MEF2C: variants seen among roughly 807,000 people sequenced by gnomAD.
MEF2C encodes myocyte-specific enhancer factor 2C.
A neutral mutation model predicts 50.5 loss-of-function variants in MEF2C; 6 were observed. The observed-to-expected ratio is 0.12, with a 90% CI of 0.07 to 0.23. MEF2C has a LOEUF of 0.23. Among genes scored for constraint, MEF2C ranks in the 10% least tolerant of loss-of-function variants. The pLI is 1.00. For missense variants in MEF2C, 276 were observed against 605.0 expected (o/e 0.46, Z 5.70); for synonymous variants, 183 against 228.0 (o/e 0.80, Z 1.78).
chr5:88,816,136 C>T (rs565032750), intron 2 of MEF2C, among the ~76,000 whole-genome samples: 2 of 152,078 alleles, frequency 1.3e-5, no homozygotes, highest in Admixed American at 6.6e-5. Context: ...AGAAGAGTGA[C>T]AGAATTCTAG....
chr5:88,807,956 A>G (rs1021397696), intron 2 of MEF2C, among the ~76,000 whole-genome samples: 3 of 152,114 alleles, frequency 2.0e-5, no homozygotes, highest in Non-Finnish European at 4.4e-5. Context: ...TTCACCTTCT[A>G]TTTCATCTTT....
At chr5:88,850,629 T>C (rs552095201) in intron 1 of MEF2C, among the ~76,000 whole-genome samples, 5 of 152,146 alleles carry the variant, frequency 3.3e-5, no homozygotes, top group East Asian at 1.9e-4. Context: ...GGAGCAGTAA[T>C]TGTAACCTCC....
chr5:88,739,725 T>C (rs1258104913), intron 6 of MEF2C: 5 of 984,938 alleles, frequency 5.1e-6, no homozygotes, highest in East Asian at 2.3e-4. Context: ...ATCAGTTTTG[T>C]TTTTATTTTT....
chr5:88,852,369 T>C (rs1312650500), intron 1 of MEF2C, among the ~76,000 whole-genome samples: 1 of 152,166 alleles, frequency 6.6e-6, no homozygotes, highest in East Asian at 1.9e-4. Context: ...GAAAAGGTAG[T>C]CAGAATTGCA....
intron 2 of MEF2C, among the ~76,000 whole-genome samples, chr5:88,822,119 C>A (rs1808671967): frequency 6.6e-6 from 1 of 151,742 alleles, no homozygotes; most frequent in Non-Finnish European, 1.5e-5. Context: ...ATAATAAAAG[C>A]TCATGAATTC....
At chr5:88,751,734 G>T (rs1377003177) in intron 5 of MEF2C, 123 bp downstream of exon 5, 3 of 1,184,408 alleles carry the variant, frequency 2.5e-6, no homozygotes, top group Admixed American at 2.0e-5. Context: ...GGGGGTGGAT[G>T]GTAAGCCATG....
chr5:88,790,086 T>C (rs1792999112), intron 3 of MEF2C, among the ~76,000 whole-genome samples: 1 of 152,216 alleles, frequency 6.6e-6, no homozygotes, highest in African/African-American at 2.4e-5. Flanking sequence ...TACAAAGTGA[T>C]GGGCACACAC....
intron 3 of MEF2C, among the ~76,000 whole-genome samples, chr5:88,795,259 A>G (rs189700468): frequency 6.6e-6 from 1 of 152,240 alleles, no homozygotes; most frequent in East Asian, 1.9e-4. Flanking sequence ...CACGATATAG[A>G]TTCTTCCTAT....
At chr5:88,754,333 T>C (rs1774243669) in intron 4 of MEF2C, among the ~76,000 whole-genome samples, 1 of 152,240 alleles carries the variant, frequency 6.6e-6, no homozygotes, top group Non-Finnish European at 1.5e-5. Context: ...CCCCTCCACT[T>C]ACTCTTTCAG....
intron 1 of MEF2C, among the ~76,000 whole-genome samples, chr5:88,841,555 A>G (rs1197820218): frequency 6.6e-6 from 1 of 151,448 alleles, no homozygotes; most frequent in Non-Finnish European, 1.5e-5. Context: ...AAAAAAAATG[A>G]TCTTAGGCTT....
At chr5:88,842,725 C>T (rs1232213720) in intron 1 of MEF2C, among the ~76,000 whole-genome samples, 1 of 151,922 alleles carries the variant, frequency 6.6e-6, no homozygotes. Context: ...GGAGAAAACC[C>T]CTCTTATGTG....
At chr5:88,813,954 A>AT (rs1804073982) in intron 2 of MEF2C, among the ~76,000 whole-genome samples, 1 of 152,006 alleles carries the variant, frequency 6.6e-6, no homozygotes, top group African/African-American at 2.4e-5. Flanking sequence ...ACTCCACCTC[A>AT]TCCCCCCACC....
intron 1 of MEF2C, among the ~76,000 whole-genome samples, chr5:88,869,718 A>C (rs570613174): frequency 8.9e-4 from 134 of 151,178 alleles, no homozygotes; most frequent in Non-Finnish European, 1.7e-3. Context: ...AGACAACAAA[A>C]ACTGATTTTT....
At chr5:88,895,855 G>A (rs1835067015) in intron 1 of MEF2C, among the ~76,000 whole-genome samples, 1 of 152,164 alleles carries the variant, frequency 6.6e-6, no homozygotes. Context: ...AGAGGAGCCG[G>A]CCACTACAGC....
At chr5:88,790,046 C>CT (rs1289658546) in intron 3 of MEF2C, among the ~76,000 whole-genome samples, 1 of 152,234 alleles carries the variant, frequency 6.6e-6, no homozygotes, top group Non-Finnish European at 1.5e-5. Context: ...GACTCAGCAT[C>CT]TTCCTTAACT....
intron 3 of MEF2C, among the ~76,000 whole-genome samples, chr5:88,769,623 C>G (rs975078094): frequency 4.6e-5 from 7 of 152,058 alleles, no homozygotes; most frequent in African/African-American, 1.7e-4. Flanking sequence ...TGCAGTTAAT[C>G]CTATATATCT....
intron 3 of MEF2C, among the ~76,000 whole-genome samples, chr5:88,781,458 A>T (rs1787979355): frequency 6.6e-6 from 1 of 152,218 alleles, no homozygotes; most frequent in African/African-American, 2.4e-5. Context: ...AGCTTGGTGG[A>T]AATTCAGAAT....
At chr5:88,768,039 C>T (rs1394533305) in intron 3 of MEF2C, among the ~76,000 whole-genome samples, 1 of 152,186 alleles carries the variant, frequency 6.6e-6, no homozygotes, top group Non-Finnish European at 1.5e-5. Flanking sequence ...ATATCTGTTC[C>T]TCCTTCAAAG....
intron 1 of MEF2C, among the ~76,000 whole-genome samples, chr5:88,876,083 T>C (rs1830982621): frequency 8.9e-6 from 1 of 112,140 alleles, no homozygotes; most frequent in African/African-American, 3.8e-5. Flanking sequence ...TTTTTTTTTT[T>C]CCTTTTTAAA....
Sources: gnomAD v4.1 joint callset for allele counts (sites outside exome capture counted in the v4.1 genomes callset) on GRCh38, gnomAD v4.1.1 for gene constraint, MANE v1.5 for transcripts, NCBI Gene and HGNC (gene_info 2026-07-23, HGNC 2026-07-21) for gene names.